ATP11A: variants seen among roughly 807,000 people sequenced by gnomAD.
ATP11A encodes the protein phospholipid-transporting ATPase IH.
ATP11A carries 81 observed loss-of-function variants against 154.4 expected under a neutral mutation model. The observed-to-expected ratio is 0.52, with a 90% CI of 0.44 to 0.63. The LOEUF (loss-of-function observed/expected upper bound fraction) is 0.63. Ranked by LOEUF, ATP11A falls within the 30% of genes least tolerant of loss-of-function variation. The pLI is 0.00. For synonymous variants in ATP11A, 623 were observed against 585.9 expected (o/e 1.06, Z -0.91); for missense variants, 1,316 against 1,474.3 (o/e 0.89, Z 1.76).
At chr13:112,813,050 G>T (rs2078546672) in intron 5 of ATP11A, among the ~76,000 whole-genome samples, 1 of 152,160 alleles carries the variant, frequency 6.6e-6, no homozygotes, top group Non-Finnish European at 1.5e-5. Flanking sequence ...TCTGTATCCT[G>T]TGTGTCGTAA....
chr13:112,756,722 C>T (rs1378139545), intron 1 of ATP11A, among the ~76,000 whole-genome samples: 6 of 152,202 alleles, frequency 3.9e-5, no homozygotes, highest in African/African-American at 1.2e-4. Context: ...TTCTGGGGCA[C>T]GGCCCTCTGC....
rs184346008 is a variant in ATP11A at position 112,859,484 on chromosome 13, C to G, written c.2727+32C>G. The G allele has an allele frequency of 3.6e-5, 57 of 1,583,880 alleles. No homozygotes were observed. In the African/African-American group the frequency reaches 7.0e-4, roughly 19 times the overall value. On this transcript the variant is annotated intron_variant, in intron 23 of 29. Transcript: ENST00000375645. This position sits in a 1 kb window ranked among gnomAD's most constrained non-coding sequence, Gnocchi z 4.3. ...CCTAGGGTCTTCAGGGACAGGCTGT[C>G]TGAGCCTTCTTTTCCTTCCCGCAGT...
intron 1 of ATP11A, among the ~76,000 whole-genome samples, chr13:112,770,844 C>CCATCAAACAAGAAA (rs2077209157): frequency 6.6e-6 from 1 of 152,184 alleles, no homozygotes; most frequent in South Asian, 2.1e-4. Flanking sequence ...GATCTTCTGA[C>CCATCAAACAAGAAA]CATCAAACAA....
intron 2 of ATP11A, among the ~76,000 whole-genome samples, chr13:112,789,985 C>A (rs995133552): frequency 6.7e-6 from 1 of 149,690 alleles, no homozygotes; most frequent in Non-Finnish European, 1.5e-5. Flanking sequence ...GGCGTGTAAA[C>A]CCCTGTGTAG....
rs2078730633 is a variant in ATP11A, at chr13:112,819,311, A to G, written c.578A>G (p.Tyr193Cys). 2 of 1,614,218 alleles carry G rather than the reference A, an allele frequency of 1.2e-6. No homozygotes were observed. Among genetic ancestry groups the G allele is most frequent in the East Asian group, 4.5e-5 (2 of 44,886 alleles). The change falls in exon 7 of 30, where the codon TAC (tyrosine) becomes TGC (cysteine). Residue 193 changes from tyrosine to cysteine, a missense_variant. Coordinates refer to ENST00000375645, the MANE Select transcript of ATP11A (RefSeq NM_015205.3). ...LDGESSHKTH[Y>C]AVQDTKGFHT... ...TGTCTTGTGCATTTGTAGACGCATT[A>G]CGCGGTCCAGGACACCAAAGGCTTC... is the stretch of plus-strand genomic sequence containing the variant.
Position 112,886,375 on chromosome 13 carries a change from G to A in ATP11A, c.*4509G>A, listed in dbSNP as rs563554655. 2 of 152,354 alleles carry A rather than the reference G, an allele frequency of 1.3e-5. No homozygotes were observed. Among genetic ancestry groups the A allele is most frequent in the South Asian group, 4.1e-4 (2 of 4,828 alleles). The allele number at this position is 152,354 out of a possible 1,614,324, so 9.4% of individuals were successfully genotyped here. On this transcript the variant is annotated 3_prime_UTR_variant, in exon 30 of 30. Coordinates refer to ENST00000375645, the MANE Select transcript of ATP11A (RefSeq NM_015205.3). ...CAGCTCATGTGTTTTGCACTGACTA[G>A]TACTGAATAATACAACCACTCTTAT...
Position 112,728,135 on chromosome 13 carries a change from A to C in ATP11A, c.39+37680A>C, listed in dbSNP as rs554461783. On this transcript the variant is annotated intron_variant, in intron 1 of 29. Coordinates refer to ENST00000375645, the MANE Select transcript of ATP11A (RefSeq NM_015205.3). ...TTGTAGCAGGAAAAAGGCCACAGAG[A>C]AAATGGAATGAGTGAGTGTGGCTGG... Among the ~76,000 whole-genome samples the C allele has an allele frequency of 3.3e-5, 5 of 152,290 alleles. No homozygotes were observed. In the South Asian group the frequency reaches 1.0e-3, roughly 32 times the overall value.
At chr13:112,750,970 T>G (rs1458957335) in intron 1 of ATP11A, among the ~76,000 whole-genome samples, 1 of 152,244 alleles carries the variant, frequency 6.6e-6, no homozygotes, top group Non-Finnish European at 1.5e-5. Flanking sequence ...AATGTCATCA[T>G]GAGGTACAAT....
intron 1 of ATP11A, among the ~76,000 whole-genome samples, chr13:112,705,968 G>A (rs978670288): frequency 1.3e-5 from 2 of 152,158 alleles, no homozygotes; most frequent in South Asian, 2.1e-4. Context: ...AGTGCTGTAC[G>A]ATCATCACCG....
chr13:112,751,740 C>A (rs369135738), intron 1 of ATP11A, among the ~76,000 whole-genome samples: 29 of 142,812 alleles, frequency 2.0e-4, no homozygotes, highest in African/African-American at 7.9e-4. Context: ...TCCCCCCCCC[C>A]TTTTTTTGAG....
intron 1 of ATP11A, among the ~76,000 whole-genome samples, chr13:112,722,341 G>T (rs1889302556): frequency 1.3e-5 from 2 of 151,982 alleles, no homozygotes; most frequent in African/African-American, 2.4e-5. Flanking sequence ...AGGGTTTCCA[G>T]GTTATAGGTA....
intron 25 of ATP11A, among the ~76,000 whole-genome samples, chr13:112,869,636 G>A (rs745975538): frequency 4.2e-4 from 64 of 152,346 alleles, no homozygotes; most frequent in Admixed American, 3.8e-3. Context: ...GCTGGGCAGC[G>A]TCAGGGGCTT....
intron 1 of ATP11A, among the ~76,000 whole-genome samples, chr13:112,706,410 A>T (rs1255481702): frequency 6.6e-6 from 1 of 152,190 alleles, no homozygotes; most frequent in Non-Finnish European, 1.5e-5. Context: ...GCTCATAATG[A>T]TGTTAGTTGA....
chr13:112,794,995 G>A (rs7993145), intron 2 of ATP11A, among the ~76,000 whole-genome samples: 2,706 of 152,310 alleles, frequency 0.018, 84 homozygotes, highest in African/African-American at 0.063. Flanking sequence ...TGTAATTCCA[G>A]CACTTTGGGA....
At chr13:112,723,847 G>A (rs1300440251) in intron 1 of ATP11A, among the ~76,000 whole-genome samples, 1 of 152,140 alleles carries the variant, frequency 6.6e-6, no homozygotes, top group Non-Finnish European at 1.5e-5. Context: ...CTCCCAAAGT[G>A]TGCATATCTG....
intron 23 of ATP11A, among the ~76,000 whole-genome samples, chr13:112,860,055 T>C (rs370165977): frequency 1.3e-5 from 2 of 151,970 alleles, no homozygotes; most frequent in South Asian, 4.1e-4. Context: ...TTTTTTTTTT[T>C]CTTGAAGTTT....
In ATP11A at chr13:112,857,278, G is replaced by A. The variant is rs150200588; in HGVS notation, c.2419-540G>A. On this transcript the variant is annotated intron_variant, in intron 20 of 29. Coordinates refer to ENST00000375645, the MANE Select transcript of ATP11A (RefSeq NM_015205.3). ...TTATAAAGAAATTGACTAAAAACTT[G>A]GAAATTATTTTTACATAAAATTGTC... 5.6e-4 allele frequency among the ~76,000 whole-genome samples: 85 copies of A among 152,174 alleles called. 2 individuals are homozygous for A. Among genetic ancestry groups the A allele is most frequent in the South Asian group, 2.5e-3 (12 of 4,816 alleles).
intron 1 of ATP11A, among the ~76,000 whole-genome samples, chr13:112,777,133 CAGAA>C (rs1272661968): frequency 6.6e-6 from 1 of 151,708 alleles, no homozygotes; most frequent in Non-Finnish European, 1.5e-5. Context: ...GGGCACCTGT[CAGAA>C]AGCCACACTG....
At chr13:112,846,195 G>A (rs561710768) in intron 17 of ATP11A, among the ~76,000 whole-genome samples, 64 of 152,038 alleles carry the variant, frequency 4.2e-4, no homozygotes, top group African/African-American at 6.0e-4. Context: ...GATCTGCGGC[G>A]TTTCATCAAG....
Sources: gnomAD v4.1 joint callset for allele counts (sites outside exome capture counted in the v4.1 genomes callset) on GRCh38, gnomAD v4.1.1 for gene constraint, Gnocchi (gnomAD v3.1) non-coding constraint, MANE v1.5 for transcripts, NCBI Gene and HGNC (gene_info 2026-07-23, HGNC 2026-07-21) for gene names.